The following ALPK3 variants were observed in gnomAD, a reference collection of about 807,000 sequenced individuals.
ALPK3 encodes alpha kinase 3, also known as alpha-protein kinase 3.
A neutral mutation model predicts 140.0 loss-of-function variants in ALPK3; 102 were observed. The ratio of observed to expected loss-of-function variants is 0.73; its 90% CI spans 0.62 to 0.86. ALPK3 has a LOEUF of 0.86. ALPK3 is among the 40% of genes least tolerant of loss of function. The pLI is 0.00. For synonymous variants in ALPK3, 938 were observed against 898.5 expected (o/e 1.04, Z -0.79); for missense variants, 2,254 against 2,208.2 (o/e 1.02, Z -0.42).
chr15:84,859,103 CG>C, intron 6 of ALPK3, 139 bp from the exon 7 acceptor site: 7 of 1,177,414 alleles, frequency 5.9e-6, no homozygotes, highest in Non-Finnish European at 7.1e-6. Context: ...CAGGAGGCAC[CG>C]GGGGGCTGTG....
intron 5 of ALPK3, among the ~76,000 whole-genome samples, chr15:84,850,879 TACACAC>T (rs4040516): frequency 1.1e-4 from 15 of 142,472 alleles, no homozygotes; most frequent in African/African-American, 3.0e-4. Flanking sequence ...GTTCCAGATA[TACACAC>T]ACACACACAC....
At chr15:84,847,208 G>GGAGAGAGAGAGAGAGAGAGA in intron 5 of ALPK3, among the ~76,000 whole-genome samples, 1 of 116,640 alleles carries the variant, frequency 8.6e-6, no homozygotes, top group African/African-American at 3.6e-5. Flanking sequence ...GGAGAAACGG[G>GGAGAGAGAGAGAGAGAGAGA]GAGAGAGAGA....
chr15:84,844,257 ATTAGCCAGGTGTGG>A (rs1963703061), intron 5 of ALPK3, among the ~76,000 whole-genome samples: 1 of 151,806 alleles, frequency 6.6e-6, no homozygotes, highest in Non-Finnish European at 1.5e-5. Context: ...AAAAACAAAA[ATTAGCCAGGTGTGG>A]TGGTGCATGC....
chr15:84,847,832 G>A (rs146799894), intron 5 of ALPK3, among the ~76,000 whole-genome samples: 3,342 of 152,264 alleles, frequency 0.022, 58 homozygotes, highest in Admixed American at 0.036. Flanking sequence ...GCTGAGGCAG[G>A]TGGATCACCT....
chr15:84,868,057 A>C lies in ALPK3; in HGVS notation c.4773-54A>C. ...TGGCCACCCCAGAGTCCGCCCCCCA[A>C]GGAACTGTGTCTCTGGTTGGGACCC... On this transcript the variant is annotated intron_variant, in intron 13 of 13. Transcript: ENST00000258888. 3 of 1,545,686 alleles carry C rather than the reference A, an allele frequency of 1.9e-6. No homozygotes were observed. The East Asian group carries it at 6.8e-5, about 35-fold the overall frequency.
chr15:84,863,660 G>A lies in ALPK3; in HGVS notation c.4499+20G>A, dbSNP rs1596158144. The A allele has an allele frequency of 1.2e-6, 2 of 1,611,002 alleles. No homozygotes were observed. The highest frequency in any genetic ancestry group is 1.7e-6 in the Non-Finnish European group (2 of 1,178,192). On this transcript the variant is annotated intron_variant, in intron 11 of 13. Transcript: ENST00000258888. ...GCCTGAGTAAGTACGCAGCGAGGAGGACGTGCAGTGTGCAGCACTGTTGCC... is the reference window on the plus strand; with the variant it reads ...GCCTGAGTAAGTACGCAGCGAGGAGAACGTGCAGTGTGCAGCACTGTTGCC...
intron 2 of ALPK3, among the ~76,000 whole-genome samples, chr15:84,827,171 A>G (rs1195853455): frequency 1.3e-5 from 2 of 152,124 alleles, no homozygotes; most frequent in Non-Finnish European, 2.9e-5. Context: ...GTGCAGGGTG[A>G]AGTAAGGCCC....
At position 84,868,208 on chromosome 15, in the gene ALPK3, C is replaced by A. The variant is rs199665338; in HGVS notation, c.4870C>A (p.Pro1624Thr). The A allele has an allele frequency of 1.9e-6, 3 of 1,614,186 alleles. No individual in the cohort carries two copies. Among genetic ancestry groups the A allele is most frequent in the Non-Finnish European group, 8.5e-7 (1 of 1,180,026 alleles). Residue 1624 changes from proline to threonine, a missense_variant, in exon 14 of 14, where the codon CCT (proline) becomes ACT (threonine). Around this residue, in one of 3 missense-constraint regions of ALPK3, gnomAD observed 158 missense variants for 159.8 expected, o/e 0.99. Coordinates refer to ENST00000258888, the MANE Select transcript of ALPK3 (RefSeq NM_020778.5). The part of the protein sequence containing the change: ...NAYCELLGLT[P>T]LKGPEAAHPQ... Reference sequence around the variant, plus strand: ...CTACTGTGAGCTGCTGGGGCTGACACCTCTCAAGGGCCCGGAGGCGGCCCA... The same window carrying A: ...CTACTGTGAGCTGCTGGGGCTGACAACTCTCAAGGGCCCGGAGGCGGCCCA...
intron 1 of ALPK3, among the ~76,000 whole-genome samples, chr15:84,820,138 T>C (rs1295886862): frequency 3.3e-5 from 5 of 150,308 alleles, no homozygotes; most frequent in Non-Finnish European, 5.9e-5. Context: ...GCAGTTTTGA[T>C]TTTTTTTTTG....
Position 84,872,445 on chromosome 15 carries a change from C to A in ALPK3, c.*3989C>A, listed in dbSNP as rs537250499. ...TCGGCTGCACAAAAGACTTTCCCAGCTGCAATGCCTTCGCCTGCTCTAGGC... is the reference window on the plus strand; with the variant it reads ...TCGGCTGCACAAAAGACTTTCCCAGATGCAATGCCTTCGCCTGCTCTAGGC... On this transcript the variant is annotated 3_prime_UTR_variant, in exon 14 of 14. Transcript: ENST00000258888. 2.0e-5 allele frequency: 3 copies of A among 152,386 alleles called. No individual in the cohort carries two copies. The highest frequency in any genetic ancestry group is 7.2e-5 in the African/African-American group (3 of 41,588). 9.4% of individuals were successfully genotyped at this position (152,386 alleles called of 1,614,324 possible).
At position 84,858,387 on chromosome 15, in the gene ALPK3, C is replaced by G. The variant is rs568198995; in HGVS notation, c.3649C>G (p.Gln1217Glu). 5 of 1,554,786 alleles carry G rather than the reference C, an allele frequency of 3.2e-6. No individual in the cohort carries two copies. In the African/African-American group the frequency reaches 5.4e-5, roughly 17 times the overall value. ...TPGRERRSPT[Q>E]GRKASMLEVP... ...AGGGCGGGAGAGACGCTCCCCTACG[C>G]AGGGCAGAAAGGCGAGCATGCTGGA... is the stretch of plus-strand genomic sequence containing the variant. Residue 1217 changes from glutamine to glutamate, a missense_variant, in exon 6 of 14, where the codon CAG becomes GAG. Gln to Glu is a conservative substitution (Grantham distance 29, BLOSUM62 2). Around this residue, in one of 3 missense-constraint regions of ALPK3, gnomAD observed 2,088 missense variants for 2,022.9 expected, o/e 1.03. Coordinates refer to ENST00000258888, the MANE Select transcript of ALPK3 (RefSeq NM_020778.5).
intron 11 of ALPK3, 100 bp downstream of exon 11, chr15:84,863,740 T>C: frequency 1.7e-6 from 2 of 1,168,364 alleles, no homozygotes; most frequent in Non-Finnish European, 1.2e-6. Flanking sequence ...TCCTGCGTTA[T>C]GCCCATGTGC....
At position 84,859,874 on chromosome 15, in the gene ALPK3, C is replaced by A. The variant is rs34775428; in HGVS notation, c.4064C>A (p.Ala1355Asp). 0.025 allele frequency: 40,437 copies of A among 1,614,062 alleles called. 640 individuals carry two copies. The highest frequency in any genetic ancestry group is 0.03 in the Non-Finnish European group (35,749 of 1,180,016). ...ACCATCCACAATGAGCACGGCTCGG[C>A]CTCCACCGACTTCTGCCTCAGCCCT... ...RCTIHNEHGS[A>D]STDFCLSPEV... The change falls in exon 8 of 14, where the codon GCC (alanine) becomes GAC (aspartate). Residue 1355 changes from alanine (A) to aspartate (D), a missense_variant. Around this residue, in one of 3 missense-constraint regions of ALPK3, gnomAD observed 2,088 missense variants for 2,022.9 expected, o/e 1.03. Transcript: ENST00000258888.
At chr15:84,827,143 T>C (rs928477664) in intron 2 of ALPK3, among the ~76,000 whole-genome samples, 1 of 152,194 alleles carries the variant, frequency 6.6e-6, no homozygotes, top group Non-Finnish European at 1.5e-5. Flanking sequence ...CATGCACCAG[T>C]GTCCCTGGAG....
rs922337505 is a variant in ALPK3 at position 84,868,601 on chromosome 15, G to C, written c.*145G>C. ...TGGGGACCTCTCTGAGCAGGCTCTC[G>C]TGAATCAGCTCGTCATCAGATGGCT... On this transcript the variant is annotated 3_prime_UTR_variant, in exon 14 of 14. Transcript: ENST00000258888. The C allele has an allele frequency of 1.3e-6, 1 of 787,064 alleles. No individual in the cohort carries two copies. The allele number at this position is 787,064 out of a possible 1,614,324, so 48.8% of individuals were successfully genotyped here.
intron 1 of ALPK3, among the ~76,000 whole-genome samples, chr15:84,819,776 C>T (rs1261403330): frequency 6.6e-6 from 1 of 152,244 alleles, no homozygotes; most frequent in African/African-American, 2.4e-5. Flanking sequence ...TCTACCTTCA[C>T]AAAGATGTGT....
rs73437943 is a variant in ALPK3, at chr15:84,836,334, T to C, written c.305-2646T>C. Among the ~76,000 whole-genome samples the C allele has an allele frequency of 9.6e-3, 1,463 of 152,310 alleles. 23 individuals carry two copies. The highest frequency in any genetic ancestry group is 0.034 in the African/African-American group (1,403 of 41,558). On this transcript the variant is annotated intron_variant, in intron 3 of 13. Coordinates refer to ENST00000258888, the MANE Select transcript of ALPK3 (RefSeq NM_020778.5). ...GGGGTACCATGATCTGACATTATTT[T>C]AAAAGGATCACTCTGTCTTTTCTGC...
At position 84,840,629 on chromosome 15, in the gene ALPK3, A is replaced by T. The variant is rs760550091; in HGVS notation, c.1350A>T (p.Ala450=). The change falls in exon 5 of 14, where the codon GCA becomes GCT. Residue 450 remains alanine, a synonymous_variant. Coordinates refer to ENST00000258888, the MANE Select transcript of ALPK3 (RefSeq NM_020778.5). ...CTGGGGAGAGTCCCAAGGGGAAGGCACCCCTCAGGGCTAGAAGCGAGGGGG... is the reference window on the plus strand; with the variant it reads ...CTGGGGAGAGTCCCAAGGGGAAGGCTCCCCTCAGGGCTAGAAGCGAGGGGG... ...RAPGESPKGK[A]PLRARSEGVP... The T allele has an allele frequency of 5.1e-6, 8 of 1,559,284 alleles. No homozygotes were observed. The highest frequency in any genetic ancestry group is 5.0e-5 in the South Asian group (4 of 80,792).
intron 9 of ALPK3, 145 bp from the exon 10 acceptor site, chr15:84,862,490 T>G (rs1205838357): frequency 1.1e-6 from 1 of 950,170 alleles, no homozygotes. Flanking sequence ...GGGGACTTAA[T>G]GTGCCCAAAG....
Sources: allele counts gnomAD v4.1 joint callset (sites outside exome capture counted in the v4.1 genomes callset), GRCh38; gene constraint gnomAD v4.1.1; regional missense constraint gnomAD v4.1.1; transcripts MANE v1.5; gene names NCBI Gene and HGNC (gene_info 2026-07-23, HGNC 2026-07-21).